The following SLC22A23 variants were observed in gnomAD, a reference collection of about 807,000 sequenced individuals.
SLC22A23 encodes the protein ion transporter protein.
SLC22A23 carries 26 observed loss-of-function variants against 61.0 expected under a neutral mutation model. The observed-to-expected ratio is 0.43, with a 90% CI of 0.31 to 0.59. The LOEUF is 0.59. Ranked by LOEUF, SLC22A23 falls within the 20% of genes least tolerant of loss-of-function variation. The probability of loss-of-function intolerance (pLI) is 0.11; values close to 1 mark genes in which losing one functional copy is unlikely to be tolerated. For missense variants in SLC22A23, 796 were observed against 934.7 expected (o/e 0.85, Z 1.94); for synonymous variants, 430 against 413.9 (o/e 1.04, Z -0.47).
At chr6:3,287,784 A>G (rs887179881) in intron 6 of SLC22A23, among the ~76,000 whole-genome samples, 1 of 151,920 alleles carries the variant, frequency 6.6e-6, no homozygotes, top group Admixed American at 6.6e-5. Flanking sequence ...CCCTGGTTCA[A>G]GTGATTCTCC....
At chr6:3,377,273 T>C (rs1766637209) in intron 3 of SLC22A23, among the ~76,000 whole-genome samples, 1 of 152,260 alleles carries the variant, frequency 6.6e-6, no homozygotes, top group South Asian at 2.1e-4. Flanking sequence ...TGAGCCCTAG[T>C]CTAGTATTAT....
intron 3 of SLC22A23, among the ~76,000 whole-genome samples, chr6:3,348,633 G>A (rs1764585381): frequency 6.6e-6 from 1 of 152,140 alleles, no homozygotes; most frequent in Admixed American, 6.5e-5. Flanking sequence ...AGCTGGGTGT[G>A]GTGCCCTTCC....
At chr6:3,289,291 G>A (rs115798776) in intron 6 of SLC22A23, among the ~76,000 whole-genome samples, 2,946 of 152,362 alleles carry the variant, frequency 0.019, 98 homozygotes, top group African/African-American at 0.067. Flanking sequence ...GGAGGTCTGC[G>A]CTCACTGGCC....
intron 3 of SLC22A23, among the ~76,000 whole-genome samples, chr6:3,408,565 G>A (rs1199208023): frequency 3.3e-5 from 5 of 152,144 alleles, no homozygotes; most frequent in Non-Finnish European, 2.9e-5. Flanking sequence ...ATGGATCAAG[G>A]TGTTCTCTTC....
intron 1 of SLC22A23, among the ~76,000 whole-genome samples, chr6:3,421,731 C>T (rs1212426015): frequency 6.6e-6 from 1 of 151,960 alleles, no homozygotes; most frequent in Non-Finnish European, 1.5e-5. Context: ...ATGTAAACTC[C>T]CACAGTGGTA....
At chr6:3,277,607 C>T (rs1459345588) in intron 9 of SLC22A23, among the ~76,000 whole-genome samples, 1 of 152,190 alleles carries the variant, frequency 6.6e-6, no homozygotes, top group East Asian at 1.9e-4. Flanking sequence ...ATTCGCATTG[C>T]GTGTCTGTGT....
rs1769993318 is a variant in SLC22A23 at position 3,419,737 on chromosome 6, C to T, written c.655-3882G>A. The stretch of plus-strand genomic sequence containing the variant: ...AGGAATCCTTCCAGAGGCCCGTTTA[C>T]AGTTGCTCTAGCAACTCAGTAAGCA... On this transcript the variant is annotated intron_variant, in intron 1 of 9. Coordinates refer to ENST00000406686, the MANE Select transcript of SLC22A23 (RefSeq NM_015482.2). Among the ~76,000 whole-genome samples, 4 of 152,220 alleles carry T rather than the reference C, an allele frequency of 2.6e-5. No individual in the cohort carries two copies. The South Asian group carries it at 8.3e-4, about 32-fold the overall frequency.
rs145343304 is a variant in SLC22A23, at chr6:3,301,490, C to A, written c.1083-3272G>T. ...CTCTACAGTTTTGAAATACGGCATACAACGTGGAAATTTGTGTCCTTTCAA... is the reference window on the plus strand; with the variant it reads ...CTCTACAGTTTTGAAATACGGCATAAAACGTGGAAATTTGTGTCCTTTCAA... On this transcript the variant is annotated intron_variant, in intron 4 of 9. Transcript: ENST00000406686. 3.3e-3 allele frequency among the ~76,000 whole-genome samples: 503 copies of A among 152,280 alleles called. 3 individuals are homozygous for A. The highest frequency in any genetic ancestry group is 0.012 in the African/African-American group (485 of 41,550).
At position 3,270,448 on chromosome 6, in the gene SLC22A23, G is replaced by A. The variant is rs1346428931; in HGVS notation, c.*2607C>T. ...GCTGCTCTGGCAACATTTCATAAAG[G>A]TGTTGCTCAACAGCTTCAGGTATCC... On this transcript the variant is annotated 3_prime_UTR_variant, in exon 10 of 10. Coordinates refer to ENST00000406686, the MANE Select transcript of SLC22A23 (RefSeq NM_015482.2). 2.0e-5 allele frequency: 3 copies of A among 152,392 alleles called. No individual in the cohort carries two copies. The highest frequency in any genetic ancestry group is 4.4e-5 in the Non-Finnish European group (3 of 68,056). 9.4% of individuals were successfully genotyped at this position (152,392 alleles called of 1,614,324 possible).
At chr6:3,319,460 C>T (rs1282019759) in intron 4 of SLC22A23, among the ~76,000 whole-genome samples, 1 of 152,016 alleles carries the variant, frequency 6.6e-6, no homozygotes, top group Admixed American at 6.5e-5. Context: ...AAGCATGTTC[C>T]TCATGTGTGT....
chr6:3,407,748 C>T (rs936648976), intron 3 of SLC22A23, among the ~76,000 whole-genome samples: 2 of 152,172 alleles, frequency 1.3e-5, no homozygotes, highest in African/African-American at 4.8e-5. Flanking sequence ...TTTGTGGTCC[C>T]TATCTAAGAA....
At chr6:3,346,871 C>A (rs1369407960) in intron 3 of SLC22A23, among the ~76,000 whole-genome samples, 1 of 152,196 alleles carries the variant, frequency 6.6e-6, no homozygotes, top group Non-Finnish European at 1.5e-5. Flanking sequence ...ACATATAACA[C>A]AGAGCATATA....
chr6:3,310,081 A>T (rs1225930418), intron 4 of SLC22A23, among the ~76,000 whole-genome samples: 1 of 152,246 alleles, frequency 6.6e-6, no homozygotes, highest in Non-Finnish European at 1.5e-5. Flanking sequence ...AAATGTATTT[A>T]TGTGGAACTT....
chr6:3,283,779 C>T, intron 9 of SLC22A23, 73 bp downstream of exon 9: 1 of 1,599,598 alleles, frequency 6.3e-7, no homozygotes, highest in Non-Finnish European at 8.5e-7. Context: ...TAATCCCACA[C>T]CAGCCTGGAG....
intron 1 of SLC22A23, among the ~76,000 whole-genome samples, chr6:3,448,715 T>G (rs534726688): frequency 6.6e-6 from 1 of 152,212 alleles, no homozygotes; most frequent in African/African-American, 2.4e-5. Flanking sequence ...AGGATGGTCT[T>G]GAACTCCTGA....
chr6:3,283,615 C>G, intron 9 of SLC22A23: 2 of 509,524 alleles, frequency 3.9e-6, no homozygotes, highest in Non-Finnish European at 7.1e-6. Context: ...CAGAGTAGCT[C>G]CCTGTTCCCC....
chr6:3,367,586 C>T (rs893208170), intron 3 of SLC22A23, among the ~76,000 whole-genome samples: 8 of 152,156 alleles, frequency 5.3e-5, no homozygotes, highest in South Asian at 2.1e-4. Flanking sequence ...CTTTACAGTC[C>T]GGAGAGGAAA....
chr6:3,426,963 C>T (rs990050641), intron 1 of SLC22A23, among the ~76,000 whole-genome samples: 7 of 152,192 alleles, frequency 4.6e-5, no homozygotes, highest in Admixed American at 2.0e-4. Flanking sequence ...GGAAGGGCAT[C>T]GCATGGTAAG....
chr6:3,315,657 G>T (rs1364027616), intron 4 of SLC22A23, among the ~76,000 whole-genome samples: 3 of 152,146 alleles, frequency 2.0e-5, no homozygotes, highest in East Asian at 1.9e-4. Context: ...CTAGGTCAGA[G>T]ATCCAGACCA....
Sources: gnomAD v4.1 joint callset for allele counts (sites outside exome capture counted in the v4.1 genomes callset) on GRCh38, gnomAD v4.1.1 for gene constraint, MANE v1.5 for transcripts, NCBI Gene and HGNC (gene_info 2026-07-23, HGNC 2026-07-21) for gene names.